Variants in BEND6 observed in about 807,000 individuals in gnomAD.
The protein encoded by BEND6 is BEN domain containing 6.
In BEND6, 24 loss-of-function variants were observed where a neutral mutation model predicts 31.8. The ratio of observed to expected loss-of-function variants is 0.75; its 90% CI spans 0.55 to 1.06. The LOEUF is 1.06. Among genes scored for constraint, BEND6 ranks in the 50% least tolerant of loss-of-function variants. BEND6 has a pLI of 0.00. For missense variants in BEND6, 294 were observed against 327.4 expected (o/e 0.90, Z 0.79); for synonymous variants, 109 against 114.6 (o/e 0.95, Z 0.31).
At chr6:56,963,878 C>T (rs1035008225) in intron 1 of BEND6, among the ~76,000 whole-genome samples, 41 of 146,948 alleles carry the variant, frequency 2.8e-4, no homozygotes, top group African/African-American at 9.4e-4. Context: ...TAAAATACTA[C>T]TATTAAATTA....
At position 56,981,869 on chromosome 6, in the gene BEND6, A is replaced by G; in HGVS notation, c.59A>G (p.Lys20Arg). 1 of 1,613,338 alleles carries G rather than the reference A, an allele frequency of 6.2e-7. No individual in the cohort carries two copies. Among genetic ancestry groups the G allele is most frequent in the Non-Finnish European group, 8.5e-7 (1 of 1,179,574 alleles). ...AATACACAAGCTTTTAGAAAAGGAA[A>G]GAGGAAAAGAACAGAGACAATGGAC... ...ITNTQAFRKG[K>R]RKRTETMDSE... Residue 20 changes from lysine (K) to arginine (R), a missense_variant, in exon 2 of 7, where the codon AAG becomes AGG. By Grantham distance (26) the Lys-to-Arg change is conservative (BLOSUM62 2). Transcript: ENST00000370746.
Position 56,976,296 on chromosome 6 carries a change from C to T in BEND6, c.-100-5415C>T, listed in dbSNP as rs147136428. On this transcript the variant is annotated intron_variant, in intron 1 of 6. Transcript: ENST00000370746. Reference sequence around the variant, plus strand: ...CTGCAAGCTCTGCCTCCCGGGTTCACGCCATTCTCCTTCCTCAGCCTCCCG... The same window carrying T: ...CTGCAAGCTCTGCCTCCCGGGTTCATGCCATTCTCCTTCCTCAGCCTCCCG... Among the ~76,000 whole-genome samples, 1,325 of 148,772 alleles carry T rather than the reference C, an allele frequency of 8.9e-3. 20 individuals are homozygous for T. Among genetic ancestry groups the T allele is most frequent in the African/African-American group, 0.031 (1,239 of 40,338 alleles).
At position 56,955,330 on chromosome 6, in the gene BEND6, T is replaced by C. The variant is rs1177408417; in HGVS notation, c.-231T>C. The C allele has an allele frequency of 1.3e-5, 2 of 152,104 alleles. No homozygotes were observed. Among genetic ancestry groups the C allele is most frequent in the Non-Finnish European group, 2.9e-5 (2 of 68,062 alleles). 9.4% of individuals were successfully genotyped at this position (152,104 alleles called of 1,614,324 possible). On this transcript the variant is annotated 5_prime_UTR_variant, in exon 1 of 7. Coordinates refer to ENST00000370746, the MANE Select transcript of BEND6 (RefSeq NM_152731.3). ...CTCGGCCAAATTGCTGCGGAGCCCG[T>C]CGTCAGGGGGCGCCAAGGAGCCAGG... is the stretch of plus-strand genomic sequence containing the variant.
At chr6:56,996,064 TTA>T (rs1826697453) in intron 3 of BEND6, among the ~76,000 whole-genome samples, 1 of 152,212 alleles carries the variant, frequency 6.6e-6, no homozygotes, top group Non-Finnish European at 1.5e-5. Flanking sequence ...TCTAAATATT[TTA>T]TGAGTCCCCT....
intron 3 of BEND6, chr6:57,010,812 A>T: frequency 1.2e-6 from 1 of 807,130 alleles, no homozygotes; most frequent in Non-Finnish European, 1.5e-6. Context: ...TGGATAATAT[A>T]CTAAGAAAAG....
intron 6 of BEND6, among the ~76,000 whole-genome samples, chr6:57,019,025 A>T (rs1312713033): frequency 6.6e-6 from 1 of 152,194 alleles, no homozygotes; most frequent in Non-Finnish European, 1.5e-5. Flanking sequence ...GCTAGCTCTA[A>T]CAGTGGTCTG....
At position 56,969,031 on chromosome 6, in the gene BEND6, G is replaced by A. The variant is rs181084129; in HGVS notation, c.-100-12680G>A. On this transcript the variant is annotated intron_variant, in intron 1 of 6. Transcript: ENST00000370746. ...CGGAGGTTGTGTGAGCAGAGATGGC[G>A]CCACTGCACTCCAGCCTGGGAGACA... Among the ~76,000 whole-genome samples, 8 of 151,516 alleles carry A rather than the reference G, an allele frequency of 5.3e-5. No homozygotes were observed. The East Asian group carries it at 5.8e-4, about 11-fold the overall frequency.
intron 1 of BEND6, among the ~76,000 whole-genome samples, chr6:56,976,708 G>C (rs1187351367): frequency 6.6e-6 from 1 of 152,058 alleles, no homozygotes; most frequent in Non-Finnish European, 1.5e-5. Flanking sequence ...GGGATTACAG[G>C]TGCACGTCAC....
At chr6:57,006,866 G>T (rs1338549525) in intron 3 of BEND6, among the ~76,000 whole-genome samples, 5 of 152,136 alleles carry the variant, frequency 3.3e-5, no homozygotes, top group Non-Finnish European at 7.4e-5. Flanking sequence ...CATGGTATTG[G>T]CTTAAAAACA....
intron 2 of BEND6, among the ~76,000 whole-genome samples, chr6:56,991,878 C>A (rs1270513577): frequency 6.6e-6 from 1 of 152,108 alleles, no homozygotes; most frequent in Admixed American, 6.6e-5. Context: ...TAAATAGTAA[C>A]CTTTTGAACA....
chr6:56,959,169 C>T (rs1291744931), intron 1 of BEND6, among the ~76,000 whole-genome samples: 1 of 152,192 alleles, frequency 6.6e-6, no homozygotes, highest in East Asian at 1.9e-4. Flanking sequence ...GTCCCCCCAA[C>T]AGACTAGCTC....
chr6:57,004,819 C>T (rs1368709636), intron 3 of BEND6: 5 of 780,234 alleles, frequency 6.4e-6, no homozygotes, highest in Non-Finnish European at 1.1e-5. Flanking sequence ...ATTGCCTGAG[C>T]TCAGGACTTG....
At chr6:56,983,574 G>A (rs910214080) in intron 2 of BEND6, among the ~76,000 whole-genome samples, 10 of 151,934 alleles carry the variant, frequency 6.6e-5, no homozygotes, top group South Asian at 4.1e-4. Flanking sequence ...TTCTTTCTGC[G>A]TCTGGTTTAC....
intron 6 of BEND6, among the ~76,000 whole-genome samples, chr6:57,025,319 C>T (rs1302999572): frequency 6.6e-6 from 1 of 152,172 alleles, no homozygotes; most frequent in South Asian, 2.1e-4. Flanking sequence ...TTATTTATTT[C>T]TGTCTTTTTG....
intron 6 of BEND6, among the ~76,000 whole-genome samples, chr6:57,019,821 T>C (rs1827680408): frequency 6.6e-6 from 1 of 152,212 alleles, no homozygotes; most frequent in Non-Finnish European, 1.5e-5. Flanking sequence ...TGGCTGGGCA[T>C]GGTGGCTCAC....
intron 1 of BEND6, among the ~76,000 whole-genome samples, chr6:56,971,235 T>A (rs977165825): frequency 1.3e-5 from 2 of 152,248 alleles, no homozygotes; most frequent in African/African-American, 4.8e-5. Flanking sequence ...AATATTGGTA[T>A]TTTTGGAACT....
chr6:56,992,873 T>C (rs1826562005), intron 3 of BEND6, among the ~76,000 whole-genome samples: 1 of 151,496 alleles, frequency 6.6e-6, no homozygotes, highest in Admixed American at 6.6e-5. Flanking sequence ...AGACAAAAGA[T>C]TATTAAGACA....
intron 2 of BEND6, among the ~76,000 whole-genome samples, chr6:56,983,642 G>A (rs1826145758): frequency 6.6e-6 from 1 of 152,088 alleles, no homozygotes; most frequent in African/African-American, 2.4e-5. Flanking sequence ...GCAAGATCTT[G>A]TTCTTTTTTA....
intron 4 of BEND6, among the ~76,000 whole-genome samples, chr6:57,015,833 G>A (rs1007440340): frequency 1.3e-5 from 2 of 150,818 alleles, no homozygotes; most frequent in Non-Finnish European, 3.0e-5. Flanking sequence ...AAAAAGAAGA[G>A]GCATAAGGCG....
Sources: allele counts gnomAD v4.1 joint callset (sites outside exome capture counted in the v4.1 genomes callset), GRCh38; gene constraint gnomAD v4.1.1; transcripts MANE v1.5; gene names NCBI Gene and HGNC (gene_info 2026-07-23, HGNC 2026-07-21).